PEAK1: variants seen among roughly 807,000 people sequenced by gnomAD.
The protein encoded by PEAK1 is inactive tyrosine-protein kinase PEAK1.
PEAK1 carries 54 observed loss-of-function variants against 124.7 expected under a neutral mutation model. That is an observed-to-expected ratio of 0.43 (90% CI 0.35 to 0.54). PEAK1 has a LOEUF of 0.54. Among genes scored for constraint, PEAK1 ranks in the 20% least tolerant of loss-of-function variants. PEAK1 has a pLI of 0.01. For synonymous variants in PEAK1, 719 were observed against 760.0 expected (o/e 0.95, Z 0.89); for missense variants, 2,046 against 2,134.5 (o/e 0.96, Z 0.82).
At chr15:77,351,130 A>G (rs1471225481) in intron 2 of PEAK1, 1 of 175,156 alleles carries the variant, frequency 5.7e-6, no homozygotes, top group African/African-American at 2.4e-5. Context: ...TATACAAACC[A>G]CTATGGAAAT....
intron 1 of PEAK1, chr15:77,370,614 G>C (rs1597473856): frequency 1.2e-6 from 1 of 819,008 alleles, no homozygotes; most frequent in East Asian, 1.2e-4. Flanking sequence ...AAAGTCCCTT[G>C]CCTACCCATA....
At chr15:77,243,985 A>G (rs1028071871) in intron 6 of PEAK1, among the ~76,000 whole-genome samples, 16 of 152,008 alleles carry the variant, frequency 1.1e-4, no homozygotes, top group Non-Finnish European at 1.9e-4. Flanking sequence ...AAAAAAAAAA[A>G]AAGAAAAAGA....
intron 2 of PEAK1, among the ~76,000 whole-genome samples, chr15:77,313,726 G>GTGTGTATATA (rs1462211130): frequency 3.7e-5 from 4 of 108,596 alleles, no homozygotes; most frequent in South Asian, 2.9e-4. Flanking sequence ...GTGTGTGTGT[G>GTGTGTATATA]TATATATATA....
In PEAK1 at chr15:77,278,399, G is replaced by A. The variant is rs149694207; in HGVS notation, c.-275+5484C>T. ...AGGAGCAGTGTAAAGAAGAAGCAGG[G>A]AGAACGACCCCCAGACTGACCAAAG... On this transcript the variant is annotated intron_variant, in intron 5 of 9. Coordinates refer to ENST00000682557, the MANE Select transcript of PEAK1 (RefSeq NM_001385026.1). 4.2e-3 allele frequency: 1,296 copies of A among 311,902 alleles called. 13 individuals are homozygous for A. The highest frequency in any genetic ancestry group is 6.6e-3 in the Non-Finnish European group (1,053 of 159,662). The allele number at this position is 311,902 out of a possible 1,614,324, so 19.3% of individuals were successfully genotyped here.
At chr15:77,346,732 T>G in intron 2 of PEAK1, 2 of 982,192 alleles carry the variant, frequency 2.0e-6, no homozygotes, top group Non-Finnish European at 2.4e-6. Flanking sequence ...GAAAAGACAT[T>G]TGTACGAATA....
chr15:77,384,138 C>G (rs144691704), intron 1 of PEAK1, among the ~76,000 whole-genome samples: 4 of 151,808 alleles, frequency 2.6e-5, no homozygotes, highest in Non-Finnish European at 4.4e-5. Flanking sequence ...ATTAGGTATT[C>G]TGAAGATCAG....
At chr15:77,389,494 A>G (rs1372583515) in intron 1 of PEAK1, among the ~76,000 whole-genome samples, 1 of 152,234 alleles carries the variant, frequency 6.6e-6, no homozygotes, top group East Asian at 1.9e-4. Context: ...CAAGTCAAAG[A>G]AAAAGAAACG....
At chr15:77,292,883 T>A (rs184749859) in intron 2 of PEAK1, among the ~76,000 whole-genome samples, 31 of 152,258 alleles carry the variant, frequency 2.0e-4, no homozygotes, top group Non-Finnish European at 4.1e-4. Context: ...GTTATAGAAC[T>A]CCCTAGTGTG....
intron 6 of PEAK1, among the ~76,000 whole-genome samples, chr15:77,183,132 A>C (rs2057369344): frequency 6.6e-6 from 1 of 152,240 alleles, no homozygotes; most frequent in Admixed American, 6.5e-5. Context: ...ATGGTTGGAA[A>C]CAAATCAAAA....
chr15:77,223,035 C>G (rs2059459391), intron 6 of PEAK1, among the ~76,000 whole-genome samples: 1 of 151,792 alleles, frequency 6.6e-6, no homozygotes, highest in Non-Finnish European at 1.5e-5. Context: ...TCAGTCCATG[C>G]TTTAGTATGT....
At chr15:77,258,395 T>A (rs575934710) in intron 5 of PEAK1, among the ~76,000 whole-genome samples, 1 of 152,298 alleles carries the variant, frequency 6.6e-6, no homozygotes, top group East Asian at 1.9e-4. Flanking sequence ...TATCCTCTTT[T>A]ATTTCATTGA....
intron 6 of PEAK1, among the ~76,000 whole-genome samples, chr15:77,226,419 G>T (rs2059679777): frequency 6.6e-6 from 1 of 151,792 alleles, no homozygotes; most frequent in South Asian, 2.1e-4. Context: ...CAACTAGTAA[G>T]TTTATGTCCC....
In PEAK1 at chr15:77,168,111, CA is replaced by C. The variant is rs375377789; in HGVS notation, c.3138-9416del. On this transcript the variant is annotated intron_variant, in intron 7 of 9. Coordinates refer to ENST00000682557, the MANE Select transcript of PEAK1 (RefSeq NM_001385026.1). ...AATTAAGATATAACTGGAGCATTAG[CA>C]TTAAAACAATTGAAGCTTCTAACTG... Among the ~76,000 whole-genome samples, 222 of 152,218 alleles carry C rather than the reference CA, an allele frequency of 1.5e-3. 2 individuals are homozygous for C. Among genetic ancestry groups the C allele is most frequent in the African/African-American group, 5.2e-3 (215 of 41,526 alleles).
At chr15:77,354,723 G>A (rs1216296014) in intron 2 of PEAK1, among the ~76,000 whole-genome samples, 1 of 152,052 alleles carries the variant, frequency 6.6e-6, no homozygotes, top group Non-Finnish European at 1.5e-5. Context: ...GTACGTTTTT[G>A]TCCATTAATT....
At chr15:77,292,576 C>A (rs2063279298) in intron 2 of PEAK1, among the ~76,000 whole-genome samples, 1 of 151,424 alleles carries the variant, frequency 6.6e-6, no homozygotes, top group Non-Finnish European at 1.5e-5. Flanking sequence ...AGAACCGAAA[C>A]AAGAAGGCAG....
rs377095862 is a variant in PEAK1, at chr15:77,180,229, G to A, written c.1698C>T (p.His566=). 5.3e-5 allele frequency: 86 copies of A among 1,614,206 alleles called. No homozygotes were observed. In the African/African-American group the frequency reaches 1.1e-3, roughly 20 times the overall value. Residue 566 remains histidine (H), a synonymous_variant, in exon 7 of 10, where the codon CAC becomes CAT. Transcript: ENST00000682557. ...GPNVPPRKNC[H]KSAPTSPTAT... is the part of the protein sequence containing the mutation. ...CTGTGGGTGATGTAGGTGCTGATTT[G>A]TGACAGTTTTTCCTTGGAGGAACAT...
chr15:77,323,458 C>CA (rs1239267569), intron 2 of PEAK1, among the ~76,000 whole-genome samples: 6 of 152,126 alleles, frequency 3.9e-5, no homozygotes, highest in African/African-American at 1.4e-4. Context: ...AATCAATGTG[C>CA]AAAAATCACA....
chr15:77,322,723 C>T (rs1200682873), intron 2 of PEAK1, among the ~76,000 whole-genome samples: 5 of 152,196 alleles, frequency 3.3e-5, no homozygotes, highest in Admixed American at 3.3e-4. Flanking sequence ...GGTACCATTC[C>T]TTCTGAAACT....
intron 5 of PEAK1, among the ~76,000 whole-genome samples, chr15:77,254,820 G>A (rs2061051242): frequency 6.6e-6 from 1 of 152,168 alleles, no homozygotes; most frequent in African/African-American, 2.4e-5. Context: ...GTTCTAAGTA[G>A]TAGAGAAACA....
Sources: allele counts gnomAD v4.1 joint callset (sites outside exome capture counted in the v4.1 genomes callset), GRCh38; gene constraint gnomAD v4.1.1; transcripts MANE v1.5; gene names NCBI Gene and HGNC (gene_info 2026-07-23, HGNC 2026-07-21).